The following RTTN variants were observed in gnomAD, a reference collection of about 807,000 sequenced individuals.
RTTN encodes rotatin.
A neutral mutation model predicts 269.2 loss-of-function variants in RTTN; 182 were observed. The ratio of observed to expected loss-of-function variants is 0.68; its 90% CI spans 0.60 to 0.76. RTTN has a LOEUF of 0.76. RTTN is among the 30% of genes least tolerant of loss of function. The pLI, the probability that RTTN is intolerant of heterozygous loss-of-function variation, is 0.00. For missense variants in RTTN, 2,545 were observed against 2,608.6 expected (o/e 0.98, Z 0.53); for synonymous variants, 1,006 against 963.5 (o/e 1.04, Z -0.82).
intron 34 of RTTN, among the ~76,000 whole-genome samples, chr18:70,070,505 C>T (rs902190016): frequency 2.0e-5 from 3 of 152,152 alleles, no homozygotes; most frequent in African/African-American, 7.2e-5. Flanking sequence ...CCTCTGTCTA[C>T]TCTTCCTTCT....
chr18:70,180,083 T>A (rs950560359), intron 10 of RTTN, among the ~76,000 whole-genome samples: 4 of 152,104 alleles, frequency 2.6e-5, no homozygotes, highest in Non-Finnish European at 5.9e-5. Context: ...CATGCCTCTT[T>A]GTCATGGCTC....
At chr18:70,184,694 C>A (rs2061493110) in intron 10 of RTTN, among the ~76,000 whole-genome samples, 4 of 104,592 alleles carry the variant, frequency 3.8e-5, no homozygotes, top group Non-Finnish European at 6.0e-5. Flanking sequence ...CCATTCAAAA[C>A]CACAGCAGGT....
intron 14 of RTTN, among the ~76,000 whole-genome samples, chr18:70,157,654 G>C (rs1050280250): frequency 1.2e-4 from 19 of 152,158 alleles, no homozygotes; most frequent in African/African-American, 4.6e-4. Context: ...GAAGCTGGAA[G>C]GCAAGGAAGC....
At chr18:70,086,817 C>CATGCTGAG (rs891614403) in intron 31 of RTTN, 133 bp from the exon 32 acceptor site, 13 of 785,832 alleles carry the variant, frequency 1.7e-5, no homozygotes, top group Admixed American at 2.8e-5. Flanking sequence ...GTCAACTGCA[C>CATGCTGAG]ATGCTGAGAG....
chr18:70,075,136 G>T lies in RTTN; in HGVS notation c.4564+216C>A, dbSNP rs2058393200. 8.1e-6 allele frequency: 3 copies of T among 370,338 alleles called. No homozygotes were observed. The South Asian group carries it at 1.8e-4, about 22-fold the overall frequency. 22.9% of individuals were successfully genotyped at this position (370,338 alleles called of 1,614,324 possible). ...TAGTGAAAGAAGGAAATACAAAAAT[G>T]TACACAAGATATGAACATAATTACA... On this transcript the variant is annotated intron_variant, in intron 33 of 48. Transcript: ENST00000640769.
intron 19 of RTTN, among the ~76,000 whole-genome samples, chr18:70,140,993 T>A (rs2060243389): frequency 1.3e-5 from 2 of 151,924 alleles, no homozygotes; most frequent in Non-Finnish European, 2.9e-5. Context: ...AAAAAAAAAA[T>A]TTCCATTGCC....
chr18:70,106,854 A>C (rs1441658943), intron 28 of RTTN, among the ~76,000 whole-genome samples: 1 of 152,312 alleles, frequency 6.6e-6, no homozygotes, highest in East Asian at 1.9e-4. Flanking sequence ...TAGAATGTCT[A>C]TTGCTATCAC....
chr18:70,205,239 G>A lies in RTTN; in HGVS notation c.108C>T (p.Tyr36=). 1 of 1,614,154 alleles carries A rather than the reference G, an allele frequency of 6.2e-7. No individual in the cohort carries two copies. The highest frequency in any genetic ancestry group is 1.3e-5 in the African/African-American group (1 of 75,044). The part of the protein sequence containing the change: ...LCKIEHNLIC[Y]ADLIQERQLF... ...GTTGCCTCTCCTGAATGAGATCAGC[G>A]TAGCAGATTAAGTTGTGCTCAATCT... Residue 36 remains tyrosine (Y), a synonymous_variant, in exon 2 of 49, where the codon TAC becomes TAT. Coordinates refer to ENST00000640769, the MANE Select transcript of RTTN (RefSeq NM_173630.4).
intron 4 of RTTN, 43 bp from the exon 5 acceptor site, chr18:70,199,547 A>G (rs893220781): frequency 2.3e-6 from 3 of 1,304,742 alleles, no homozygotes; most frequent in Non-Finnish European, 3.3e-6. Context: ...AAGAATAAAG[A>G]GATGACAGAT....
At chr18:70,048,642 T>C (rs1222851715) in intron 39 of RTTN, among the ~76,000 whole-genome samples, 1 of 152,214 alleles carries the variant, frequency 6.6e-6, no homozygotes, top group East Asian at 1.9e-4. Context: ...GTGATAATTA[T>C]AACCATAAAA....
chr18:70,195,954 C>G (rs1388676517), intron 7 of RTTN, among the ~76,000 whole-genome samples: 1 of 152,130 alleles, frequency 6.6e-6, no homozygotes, highest in African/African-American at 2.4e-5. Flanking sequence ...ACTTTCGATG[C>G]AGGTTGCATT....
chr18:70,015,117 T>C (rs1271830213), intron 46 of RTTN, among the ~76,000 whole-genome samples: 3 of 151,986 alleles, frequency 2.0e-5, no homozygotes, highest in Non-Finnish European at 2.9e-5. Context: ...CTCACTCTGT[T>C]GCCCAGGCTG....
chr18:70,084,494 C>A (rs2058652176), intron 32 of RTTN, among the ~76,000 whole-genome samples: 1 of 152,006 alleles, frequency 6.6e-6, no homozygotes, highest in Non-Finnish European at 1.5e-5. Context: ...CATCTTGTTT[C>A]CTTCTTGCAG....
intron 30 of RTTN, 76 bp downstream of exon 30, chr18:70,092,034 T>G: frequency 2.2e-4 from 191 of 865,598 alleles, no homozygotes; most frequent in Non-Finnish European, 3.3e-4. Context: ...ATTACAGGCA[T>G]GAGCCACCGC....
intron 14 of RTTN, among the ~76,000 whole-genome samples, chr18:70,161,368 TG>T (rs1339817979): frequency 6.6e-6 from 1 of 152,122 alleles, no homozygotes; most frequent in Non-Finnish European, 1.5e-5. Context: ...TAGACTTAAA[TG>T]TAAGACTTAA....
intron 14 of RTTN, among the ~76,000 whole-genome samples, chr18:70,157,603 C>T (rs149179193): frequency 2.0e-5 from 3 of 152,238 alleles, no homozygotes; most frequent in Non-Finnish European, 4.4e-5. Context: ...CCCCAGCAAT[C>T]GTTCTTAACC....
rs1599489425 is a variant in RTTN, at chr18:70,092,093, T to C, written c.4143+17A>G. ...TTTAATCTAAACACAATACACTTGA[T>C]TCTCCTTCACACTCACCTCTGGGTC... is the stretch of plus-strand genomic sequence containing the variant. On this transcript the variant is annotated intron_variant, in intron 30 of 48. Transcript: ENST00000640769. 1 of 1,518,014 alleles carries C rather than the reference T, an allele frequency of 6.6e-7. No individual in the cohort carries two copies. Among genetic ancestry groups the C allele is most frequent in the East Asian group, 2.3e-5 (1 of 44,278 alleles). The allele number at this position is 1,518,014 out of a possible 1,614,324, so 94.0% of individuals were successfully genotyped here.
intron 35 of RTTN, among the ~76,000 whole-genome samples, chr18:70,065,270 T>TAAAAAAAAAAAAAA (rs61422284): frequency 3.0e-5 from 4 of 132,940 alleles, no homozygotes; most frequent in Non-Finnish European, 4.7e-5. Context: ...CTCTAGAATT[T>TAAAAAAAAAAAAAA]AAAAAAAAAA....
At chr18:70,203,990 T>C in intron 3 of RTTN, 96 bp downstream of exon 3, 1 of 942,322 alleles carries the variant, frequency 1.1e-6, no homozygotes, top group Non-Finnish European at 1.6e-6. Flanking sequence ...TTGGGGGAGG[T>C]GGGAGAAATC....
Sources: allele counts gnomAD v4.1 joint callset (sites outside exome capture counted in the v4.1 genomes callset), GRCh38; gene constraint gnomAD v4.1.1; transcripts MANE v1.5; gene names NCBI Gene and HGNC (gene_info 2026-07-23, HGNC 2026-07-21).